Variants in MTUS2 observed in about 807,000 individuals in gnomAD.
MTUS2 encodes the protein microtubule-associated tumor suppressor candidate 2.
A neutral mutation model predicts 114.1 loss-of-function variants in MTUS2; 40 were observed. The observed-to-expected ratio is 0.35, with a 90% CI of 0.27 to 0.46. The LOEUF is 0.46. Among genes scored for constraint, MTUS2 ranks in the 20% least tolerant of loss-of-function variants. The pLI is 1.00. For synonymous variants in MTUS2, 688 were observed against 672.0 expected, an observed-to-expected ratio of 1.02 and a Z score of -0.37; for missense variants, 1,679 against 1,705.4, an observed-to-expected ratio of 0.98 and a Z score of 0.27.
chr13:29,202,501 CT>C (rs1416555068), intron 5 of MTUS2, among the ~76,000 whole-genome samples: 13 of 152,250 alleles, frequency 8.5e-5, no homozygotes, highest in African/African-American at 3.1e-4. Context: ...CTGAAGCCTC[CT>C]TCTGTTGGTT....
chr13:29,007,318 A>C (rs1260433520), intron 2 of MTUS2, among the ~76,000 whole-genome samples: 2 of 151,804 alleles, frequency 1.3e-5, no homozygotes, highest in Non-Finnish European at 2.9e-5. Flanking sequence ...TCCCATTTCA[A>C]CTCCTACTCC....
intron 4 of MTUS2, among the ~76,000 whole-genome samples, chr13:29,068,964 A>G (rs1888787122): frequency 6.6e-6 from 1 of 152,116 alleles, no homozygotes; most frequent in Non-Finnish European, 1.5e-5. Context: ...TTTGGAAGAC[A>G]GGAGTGGAGT....
At chr13:29,200,653 G>C (rs1310205220) in intron 5 of MTUS2, among the ~76,000 whole-genome samples, 1 of 149,670 alleles carries the variant, frequency 6.7e-6, no homozygotes, top group African/African-American at 2.5e-5. Context: ...CCCAAGTAGT[G>C]GGAATTACAG....
intron 5 of MTUS2, among the ~76,000 whole-genome samples, chr13:29,162,007 T>C (rs2139082008): frequency 6.6e-6 from 1 of 152,362 alleles, no homozygotes. Flanking sequence ...TTCATTTATC[T>C]AGCTGCACAC....
At chr13:29,349,072 C>A (rs1351264077) in intron 7 of MTUS2, among the ~76,000 whole-genome samples, 1 of 152,082 alleles carries the variant, frequency 6.6e-6, no homozygotes, top group African/African-American at 2.4e-5. Flanking sequence ...GCCGTATTTT[C>A]TATTTAACCC....
At chr13:29,477,585 G>T (rs915225091) in intron 9 of MTUS2, among the ~76,000 whole-genome samples, 2 of 152,016 alleles carry the variant, frequency 1.3e-5, no homozygotes, top group Non-Finnish European at 2.9e-5. Flanking sequence ...GACCCTGGGG[G>T]TCCCCTGCCA....
At chr13:29,359,726 T>C (rs989311081) in intron 8 of MTUS2, among the ~76,000 whole-genome samples, 2 of 152,170 alleles carry the variant, frequency 1.3e-5, no homozygotes, top group South Asian at 2.1e-4. Context: ...CGAAATTATG[T>C]AAAAAATGAA....
chr13:29,435,725 A>G (rs1877355063), intron 8 of MTUS2, among the ~76,000 whole-genome samples: 1 of 152,240 alleles, frequency 6.6e-6, no homozygotes, highest in African/African-American at 2.4e-5. Context: ...TTTGGCTTGC[A>G]GGAAGCAAAA....
intron 8 of MTUS2, among the ~76,000 whole-genome samples, chr13:29,430,406 G>A (rs542357225): frequency 1.2e-4 from 19 of 152,078 alleles, no homozygotes; most frequent in Non-Finnish European, 2.4e-4. Flanking sequence ...AGAGATTTTG[G>A]AAGATAATTT....
At chr13:29,126,849 A>C (rs1447863337) in intron 5 of MTUS2, among the ~76,000 whole-genome samples, 1 of 152,132 alleles carries the variant, frequency 6.6e-6, no homozygotes, top group African/African-American at 2.4e-5. Context: ...CACTTTGTAC[A>C]CCAGTTTTCT....
At chr13:29,044,108 G>C (rs770305824) in intron 4 of MTUS2, among the ~76,000 whole-genome samples, 4 of 151,796 alleles carry the variant, frequency 2.6e-5, no homozygotes, top group Non-Finnish European at 4.4e-5. Context: ...TTTTTCTTCT[G>C]CCTGAAGGAC....
chr13:29,438,794 G>A (rs751843176), intron 8 of MTUS2, among the ~76,000 whole-genome samples: 11 of 152,128 alleles, frequency 7.2e-5, no homozygotes, highest in Non-Finnish European at 1.6e-4. Context: ...AGCTCTCAGT[G>A]TATTATGAAA....
At chr13:28,914,146 C>T (rs1194883842) in intron 2 of MTUS2, among the ~76,000 whole-genome samples, 2 of 151,568 alleles carry the variant, frequency 1.3e-5, no homozygotes, top group African/African-American at 2.4e-5. Context: ...TTCTTGTCTT[C>T]TCCTAGCTTT....
chr13:29,096,341 A>C (rs766897412), intron 4 of MTUS2, among the ~76,000 whole-genome samples: 20 of 152,162 alleles, frequency 1.3e-4, no homozygotes, highest in Non-Finnish European at 2.8e-4. Flanking sequence ...AGGTTCCACT[A>C]ATTACTGACT....
intron 2 of MTUS2, among the ~76,000 whole-genome samples, chr13:28,994,510 C>A (rs1240453529): frequency 6.6e-6 from 1 of 152,200 alleles, no homozygotes; most frequent in Non-Finnish European, 1.5e-5. Flanking sequence ...AGTTTACAGT[C>A]CCACCAATGG....
chr13:29,244,881 G>T (rs1341115722), intron 5 of MTUS2, among the ~76,000 whole-genome samples: 2 of 144,830 alleles, frequency 1.4e-5, no homozygotes, highest in Admixed American at 7.0e-5. Flanking sequence ...GCGTGAACCC[G>T]GGAGGCGGAG....
At chr13:29,131,617 G>A (rs549861096) in intron 5 of MTUS2, among the ~76,000 whole-genome samples, 3 of 152,356 alleles carry the variant, frequency 2.0e-5, no homozygotes, top group South Asian at 2.1e-4. Context: ...CAGCATCAAC[G>A]GCTGGTCCAA....
intron 11 of MTUS2, chr13:29,489,761 A>G (rs1004535748): frequency 8.5e-5 from 13 of 152,240 alleles, no homozygotes; most frequent in Admixed American, 7.8e-4. Context: ...AGACAGTGTC[A>G]TGAGCTTGAA....
At chr13:29,255,934 C>G (rs1321290937) in intron 5 of MTUS2, among the ~76,000 whole-genome samples, 1 of 152,222 alleles carries the variant, frequency 6.6e-6, no homozygotes, top group Non-Finnish European at 1.5e-5. Flanking sequence ...CCTTTATTAT[C>G]TGGCCTGGTT....
Sources: gnomAD v4.1 joint callset for allele counts (sites outside exome capture counted in the v4.1 genomes callset) on GRCh38, gnomAD v4.1.1 for gene constraint, MANE v1.5 for transcripts, NCBI Gene and HGNC (gene_info 2026-07-23, HGNC 2026-07-21) for gene names.